Variants in CLIP4 observed in about 807,000 individuals in gnomAD.
CLIP4 encodes CAP-Gly domain-containing linker protein 4.
CLIP4 carries 47 observed loss-of-function variants against 73.1 expected under a neutral mutation model. The observed-to-expected ratio is 0.64, with a 90% confidence interval of 0.51 to 0.82. The LOEUF is 0.82. CLIP4 is among the 40% of genes least tolerant of loss of function. The pLI is 0.00. For synonymous variants in CLIP4, 306 were observed against 295.4 expected (o/e 1.04, Z -0.37); for missense variants, 874 against 852.9 (o/e 1.02, Z -0.31).
intron 14 of CLIP4, among the ~76,000 whole-genome samples, chr2:29,172,603 C>G (rs1415088855): frequency 6.6e-6 from 1 of 151,986 alleles, no homozygotes; most frequent in Non-Finnish European, 1.5e-5. Context: ...TTTTCTGTAT[C>G]TGGGAGTTGA....
intron 2 of CLIP4, chr2:29,130,601 T>A (rs1215254288): frequency 9.0e-7 from 1 of 1,111,284 alleles, no homozygotes; most frequent in East Asian, 7.8e-5. Context: ...TGTCTTGGCT[T>A]CTATTTTGAT....
chr2:29,132,540 G>T (rs1404533171), intron 4 of CLIP4: 1 of 325,160 alleles, frequency 3.1e-6, no homozygotes, highest in Non-Finnish European at 5.6e-6. Context: ...TTATAACAAG[G>T]TTTGACAGTC....
intron 13 of CLIP4, among the ~76,000 whole-genome samples, chr2:29,166,126 A>T (rs1331348719): frequency 6.6e-6 from 1 of 152,130 alleles, no homozygotes; most frequent in African/African-American, 2.4e-5. Context: ...TAAGCGAATA[A>T]AACAGACATG....
At chr2:29,179,775 G>A (rs1413115317) in intron 15 of CLIP4, among the ~76,000 whole-genome samples, 1 of 152,140 alleles carries the variant, frequency 6.6e-6, no homozygotes, top group Non-Finnish European at 1.5e-5. Context: ...GCTCTTCCAT[G>A]TATGTTCTTC....
chr2:29,110,389 G>C (rs1668355514), intron 1 of CLIP4, among the ~76,000 whole-genome samples: 1 of 152,208 alleles, frequency 6.6e-6, no homozygotes, highest in South Asian at 2.1e-4. Context: ...TATGGTATGT[G>C]AATTTACTTA....
rs930650439 is a variant in CLIP4 at position 29,135,558 on chromosome 2, C to T, written c.540C>T (p.Ala180=). The change falls in exon 6 of 16, where the codon GCC becomes GCT. Residue 180 remains alanine, a synonymous_variant. Transcript: ENST00000320081. ...LKTSKPKDVD[A]TCSDFNFGTA... is the part of the protein sequence containing the mutation. ...GATGTTTAATTGCAGATGTGGATGC[C>T]ACTTGCAGTGATTTTAATTTTGGAA... is the stretch of plus-strand genomic sequence containing the variant. 1.2e-6 allele frequency: 2 copies of T among 1,606,648 alleles called. No homozygotes were observed. The highest frequency in any genetic ancestry group is 1.3e-5 in the African/African-American group (1 of 74,640).
At chr2:29,107,576 AT>A (rs1309573904) in intron 1 of CLIP4, among the ~76,000 whole-genome samples, 1 of 151,518 alleles carries the variant, frequency 6.6e-6, no homozygotes, top group Non-Finnish European at 1.5e-5. Flanking sequence ...GGGTTTCACC[AT>A]GTTGGTCAGG....
intron 8 of CLIP4, among the ~76,000 whole-genome samples, chr2:29,147,997 A>G (rs1009835386): frequency 1.3e-5 from 2 of 152,222 alleles, no homozygotes; most frequent in African/African-American, 4.8e-5. Flanking sequence ...AATCAGAATT[A>G]TGGAATCATT....
At chr2:29,157,478 C>T in intron 11 of CLIP4, 131 bp downstream of exon 11, 1 of 1,402,194 alleles carries the variant, frequency 7.1e-7, no homozygotes, top group Non-Finnish European at 1.0e-6. Flanking sequence ...TTTACTCTTC[C>T]CCACCTCCCC....
At chr2:29,155,774 G>A (rs1196528339) in intron 9 of CLIP4, among the ~76,000 whole-genome samples, 3 of 152,032 alleles carry the variant, frequency 2.0e-5, no homozygotes, top group African/African-American at 4.8e-5. Flanking sequence ...AGCCTCTCCC[G>A]CTGTGGTTTC....
Position 29,115,430 on chromosome 2 carries a change from C to G in CLIP4, c.-251C>G, listed in dbSNP as rs1663714575. On this transcript the variant is annotated 5_prime_UTR_variant, in exon 1 of 16. Coordinates refer to ENST00000320081, the MANE Select transcript of CLIP4 (RefSeq NM_024692.6). The surrounding 1 kb of genome is among the most constrained non-coding windows in gnomAD (Gnocchi z 5.1). ...TGCCTCCTCCGTCCCCACCGAGTCC[C>G]CAGCGCGTGCGCGGGGCCGTGGCCG... The G allele has an allele frequency of 6.6e-6, 1 of 150,442 alleles. No individual in the cohort carries two copies. Among genetic ancestry groups the G allele is most frequent in the Admixed American group, 6.6e-5 (1 of 15,104 alleles). 9.3% of individuals were successfully genotyped at this position (150,442 alleles called of 1,614,324 possible).
chr2:29,108,293 CAG>C (rs1047042844), intron 1 of CLIP4, among the ~76,000 whole-genome samples: 6 of 152,104 alleles, frequency 3.9e-5, no homozygotes, highest in African/African-American at 1.2e-4. Flanking sequence ...TTAAGCGAAA[CAG>C]GGGTTACTTG....
chr2:29,138,867 G>A (rs542847496), intron 6 of CLIP4, among the ~76,000 whole-genome samples: 2 of 152,238 alleles, frequency 1.3e-5, no homozygotes, highest in African/African-American at 4.8e-5. Context: ...AAACTTTACT[G>A]AAGTTGTTTA....
intron 12 of CLIP4, among the ~76,000 whole-genome samples, chr2:29,163,351 T>A (rs1298534542): frequency 6.6e-6 from 1 of 152,174 alleles, no homozygotes; most frequent in Non-Finnish European, 1.5e-5. Context: ...TTTTCTATAA[T>A]ATTTTTGTCC....
intron 1 of CLIP4, among the ~76,000 whole-genome samples, chr2:29,104,433 G>A (rs1572850986): frequency 6.6e-6 from 1 of 151,690 alleles, no homozygotes; most frequent in South Asian, 2.1e-4. Context: ...ATGCCACCAC[G>A]CCCAGCTAAT....
chr2:29,120,836 C>G, intron 1 of CLIP4, among the ~76,000 whole-genome samples: 1 of 152,024 alleles, frequency 6.6e-6, no homozygotes, highest in East Asian at 1.9e-4. Context: ...ATACCTCGGA[C>G]CTTGTTAAGT....
At chr2:29,169,666 TG>T (rs1250638233) in intron 14 of CLIP4, among the ~76,000 whole-genome samples, 5 of 152,172 alleles carry the variant, frequency 3.3e-5, no homozygotes, top group Non-Finnish European at 5.9e-5. Context: ...TGTGATAATT[TG>T]ATGCACGTAT....
At chr2:29,125,086 T>C (rs567476853) in intron 2 of CLIP4, among the ~76,000 whole-genome samples, 3 of 152,218 alleles carry the variant, frequency 2.0e-5, no homozygotes, top group African/African-American at 7.2e-5. Context: ...AGGTCCTACT[T>C]TTCTGATTTG....
intron 1 of CLIP4, among the ~76,000 whole-genome samples, chr2:29,108,550 GCTAA>G (rs1394383596): frequency 1.2e-4 from 19 of 152,202 alleles, no homozygotes; most frequent in South Asian, 2.1e-4. Flanking sequence ...GTGGATGGCA[GCTAA>G]CTAAAACCAC....
Sources: gnomAD v4.1 joint callset for allele counts (sites outside exome capture counted in the v4.1 genomes callset) on GRCh38, gnomAD v4.1.1 for gene constraint, Gnocchi (gnomAD v3.1) non-coding constraint, MANE v1.5 for transcripts, NCBI Gene and HGNC (gene_info 2026-07-23, HGNC 2026-07-21) for gene names.